Variants in GALNT16 observed in about 807,000 individuals in gnomAD.
GALNT16 encodes the protein UDP-GalNAc:polypeptide N-acetylgalactosaminyltransferase-like protein 1.
GALNT16 carries 40 observed loss-of-function variants against 76.1 expected under a neutral mutation model. That is an observed-to-expected ratio of 0.53 (90% CI 0.41 to 0.68). The LOEUF is 0.68. Ranked by LOEUF, GALNT16 falls within the 30% of genes least tolerant of loss-of-function variation. GALNT16 has a pLI of 0.00. For synonymous variants in GALNT16, 276 were observed against 285.2 expected (o/e 0.97, Z 0.32); for missense variants, 621 against 731.9 (o/e 0.85, Z 1.75).
chr14:69,277,258 A>G (rs2044483464), intron 1 of GALNT16, among the ~76,000 whole-genome samples: 1 of 152,260 alleles, frequency 6.6e-6, no homozygotes, highest in African/African-American at 2.4e-5. Flanking sequence ...GTTCTAGGGT[A>G]CATGTGCACA....
chr14:69,266,353 T>C (rs915063317), intron 1 of GALNT16, among the ~76,000 whole-genome samples: 4 of 152,252 alleles, frequency 2.6e-5, no homozygotes, highest in East Asian at 1.9e-4. Context: ...ATTGACATGA[T>C]AATGTTCAAA....
chr14:69,314,642 A>C (rs2045075099), intron 1 of GALNT16, among the ~76,000 whole-genome samples: 1 of 152,220 alleles, frequency 6.6e-6, no homozygotes, highest in East Asian at 1.9e-4. Context: ...TTCATTTGGA[A>C]GAGTTGGAAC....
chr14:69,352,296 C>T lies in GALNT16; in HGVS notation c.*128C>T, dbSNP rs1461518245. The T allele has an allele frequency of 2.4e-6, 2 of 825,082 alleles. No homozygotes were observed. The highest frequency in any genetic ancestry group is 3.0e-5 in the Admixed American group (1 of 33,694). The allele number at this position is 825,082 out of a possible 1,614,324, so 51.1% of individuals were successfully genotyped here. On this transcript the variant is annotated 3_prime_UTR_variant, in exon 15 of 15. Coordinates refer to ENST00000448469, the MANE Select transcript of GALNT16 (RefSeq NM_001168368.2). ...TCTGCCAGGACCATCAGCAAATACC[C>T]ACCATGACACACGTTCTCCAAAGCT...
At chr14:69,269,810 T>G (rs73290567) in intron 1 of GALNT16, among the ~76,000 whole-genome samples, 9,136 of 144,544 alleles carry the variant, frequency 0.063, 290 homozygotes, top group Middle Eastern at 0.1. Flanking sequence ...ATTTGTGTGT[T>G]TGTGTGTGTG....
At chr14:69,293,507 G>C (rs1594827481) in intron 1 of GALNT16, among the ~76,000 whole-genome samples, 1 of 152,186 alleles carries the variant, frequency 6.6e-6, no homozygotes, top group African/African-American at 2.4e-5. Context: ...TGTATGTCAA[G>C]TACTTTGTAT....
chr14:69,362,595 AC>A, the GALNT16 span, among the ~76,000 whole-genome samples: 1 of 152,192 alleles, frequency 6.6e-6, no homozygotes, highest in Non-Finnish European at 1.5e-5. Context: ...GAGCTGGGAG[AC>A]TTTTAGCCAG....
chr14:69,264,965 C>T (rs1455734365), intron 1 of GALNT16, among the ~76,000 whole-genome samples: 1 of 151,878 alleles, frequency 6.6e-6, no homozygotes, highest in African/African-American at 2.4e-5. Flanking sequence ...AAGTGTGTGC[C>T]ACCACACCTG....
chr14:69,384,781 GAACA>G, the GALNT16 span, among the ~76,000 whole-genome samples: 1 of 152,148 alleles, frequency 6.6e-6, no homozygotes, highest in African/African-American at 2.4e-5. Flanking sequence ...ATGCAGCAGT[GAACA>G]AACACAAAGC....
the GALNT16 span, among the ~76,000 whole-genome samples, chr14:69,385,238 C>T: frequency 3.3e-5 from 5 of 152,214 alleles, no homozygotes; most frequent in African/African-American, 9.7e-5. Context: ...CCCATGATCA[C>T]AATGACTGAT....
At chr14:69,307,551 C>T (rs1404048570) in intron 1 of GALNT16, among the ~76,000 whole-genome samples, 1 of 152,130 alleles carries the variant, frequency 6.6e-6, no homozygotes, top group Non-Finnish European at 1.5e-5. Flanking sequence ...ATGTGCTTGA[C>T]ACCCCAAGGC....
chr14:69,289,276 T>C (rs966269743), intron 1 of GALNT16, among the ~76,000 whole-genome samples: 1 of 152,184 alleles, frequency 6.6e-6, no homozygotes, highest in Non-Finnish European at 1.5e-5. Context: ...AGTCATTATG[T>C]AACACTTGAA....
chr14:69,372,908 C>G, the GALNT16 span, among the ~76,000 whole-genome samples: 1 of 152,160 alleles, frequency 6.6e-6, no homozygotes, highest in Admixed American at 6.5e-5. Context: ...GTCATTATAC[C>G]TGCAACCTCC....
intron 13 of GALNT16, among the ~76,000 whole-genome samples, chr14:69,347,526 C>T (rs1447035132): frequency 2.6e-5 from 4 of 152,122 alleles, no homozygotes; most frequent in Non-Finnish European, 5.9e-5. Context: ...GCACCCACAT[C>T]GAAACTAAAG....
intron 1 of GALNT16, among the ~76,000 whole-genome samples, chr14:69,313,247 G>A (rs2045053149): frequency 6.6e-6 from 1 of 152,222 alleles, no homozygotes; most frequent in Non-Finnish European, 1.5e-5. Context: ...CACAGACTCA[G>A]AGATGCTTGA....
intron 1 of GALNT16, among the ~76,000 whole-genome samples, chr14:69,274,313 AG>A (rs1454914908): frequency 6.6e-6 from 1 of 152,238 alleles, no homozygotes; most frequent in Non-Finnish European, 1.5e-5. Flanking sequence ...TTTGTATATT[AG>A]TTATCTAATT....
intron 1 of GALNT16, among the ~76,000 whole-genome samples, chr14:69,282,023 G>A (rs1345922647): frequency 6.6e-6 from 1 of 152,204 alleles, no homozygotes; most frequent in African/African-American, 2.4e-5. Context: ...ACATCATGGG[G>A]TTTGTCCCAG....
Position 69,288,399 on chromosome 14 carries a change from C to G in GALNT16, c.177+27932C>G, listed in dbSNP as rs186529844. Reference sequence around the variant, plus strand: ...TTGACAGCCTGCAGCAAAGAAACCTCTGATGCAATTGGTGGTGAATGAATT... The same window carrying G: ...TTGACAGCCTGCAGCAAAGAAACCTGTGATGCAATTGGTGGTGAATGAATT... On this transcript the variant is annotated intron_variant, in intron 1 of 14. Coordinates refer to ENST00000448469, the MANE Select transcript of GALNT16 (RefSeq NM_001168368.2). Among the ~76,000 whole-genome samples, 17 of 152,322 alleles carry G rather than the reference C, an allele frequency of 1.1e-4. 1 individual carries two copies. The East Asian group carries it at 2.9e-3, about 26-fold the overall frequency.
At chr14:69,272,140 C>A (rs1372221917) in intron 1 of GALNT16, among the ~76,000 whole-genome samples, 1 of 151,974 alleles carries the variant, frequency 6.6e-6, no homozygotes, top group Non-Finnish European at 1.5e-5. Flanking sequence ...GAGGGGAGAT[C>A]ATCTGAGGTC....
At chr14:69,337,544 C>T (rs1176033030) in intron 9 of GALNT16, among the ~76,000 whole-genome samples, 1 of 152,206 alleles carries the variant, frequency 6.6e-6, no homozygotes, top group Non-Finnish European at 1.5e-5. Flanking sequence ...ATCTTCGGCC[C>T]CCCAGGACTG....
Sources: gnomAD v4.1 joint callset for allele counts (sites outside exome capture counted in the v4.1 genomes callset) on GRCh38, gnomAD v4.1.1 for gene constraint, MANE v1.5 for transcripts, NCBI Gene and HGNC (gene_info 2026-07-23, HGNC 2026-07-21) for gene names.